CFAP299: variants seen among roughly 807,000 people sequenced by gnomAD.
The protein encoded by CFAP299 is cilia and flagella associated protein 299.
Under a neutral mutation model 27.0 loss-of-function variants are expected in CFAP299, and 21 were observed. That is an observed-to-expected ratio of 0.78 (90% CI 0.55 to 1.12). CFAP299 has a LOEUF of 1.12. Among genes scored for constraint, CFAP299 ranks in the 50% most tolerant of loss-of-function variants. CFAP299 has a pLI of 0.00. For synonymous variants in CFAP299, 104 were observed against 98.1 expected (o/e 1.06, Z -0.36); for missense variants, 310 against 276.6 (o/e 1.12, Z -0.86).
At chr4:80,711,680 G>A (rs1053480380) in intron 3 of CFAP299, among the ~76,000 whole-genome samples, 1 of 152,154 alleles carries the variant, frequency 6.6e-6, no homozygotes, top group African/African-American at 2.4e-5. Context: ...AACCAAGACT[G>A]ACATTCTTTC....
At chr4:80,420,065 C>T in intron 2 of CFAP299, 2 of 366,066 alleles carry the variant, frequency 5.5e-6, no homozygotes, top group South Asian at 4.1e-5. Context: ...CTGATCATAG[C>T]CAAGCAGGTT....
intron 4 of CFAP299, among the ~76,000 whole-genome samples, chr4:80,933,138 C>A (rs982695734): frequency 6.7e-6 from 1 of 148,358 alleles, no homozygotes. Context: ...CTTTCTTTTT[C>A]TTTCTTTCCT....
intron 2 of CFAP299, among the ~76,000 whole-genome samples, chr4:80,535,412 G>T (rs1322579766): frequency 1.4e-5 from 1 of 70,322 alleles, no homozygotes; most frequent in African/African-American, 1.3e-4. Flanking sequence ...GGAGAATGGC[G>T]TGAACCCGGG....
At chr4:80,402,308 T>C (rs185818524) in intron 2 of CFAP299, among the ~76,000 whole-genome samples, 1 of 152,236 alleles carries the variant, frequency 6.6e-6, no homozygotes, top group East Asian at 1.9e-4. Context: ...CCCACCCAAA[T>C]CTCAACTTGA....
At chr4:80,689,345 C>T (rs889735767) in intron 3 of CFAP299, among the ~76,000 whole-genome samples, 7 of 152,152 alleles carry the variant, frequency 4.6e-5, no homozygotes, top group African/African-American at 1.2e-4. Context: ...GCGGATCTCT[C>T]GGCAGAAACT....
chr4:80,584,184 G>T (rs962931900), intron 3 of CFAP299, among the ~76,000 whole-genome samples: 1 of 152,046 alleles, frequency 6.6e-6, no homozygotes. Flanking sequence ...GACAGCTTTA[G>T]TAATCACAGC....
In CFAP299 at chr4:80,852,080, A is replaced by G. The variant is rs140561765; in HGVS notation, c.334-17913A>G. On this transcript the variant is annotated intron_variant, in intron 3 of 5. Coordinates refer to ENST00000358105, the MANE Select transcript of CFAP299 (RefSeq NM_152770.3). Reference sequence around the variant, plus strand: ...TCAGACCTACCTATATAACTATTTAATTATTAAACATTTTTGTATTGTACC... The same window carrying G: ...TCAGACCTACCTATATAACTATTTAGTTATTAAACATTTTTGTATTGTACC... 4.5e-3 allele frequency among the ~76,000 whole-genome samples: 692 copies of G among 152,254 alleles called. 2 individuals carry two copies. The highest frequency in any genetic ancestry group is 0.014 in the Middle Eastern group (4 of 292).
chr4:80,828,005 T>C (rs1299988948), intron 3 of CFAP299, among the ~76,000 whole-genome samples: 1 of 151,958 alleles, frequency 6.6e-6, no homozygotes, highest in Non-Finnish European at 1.5e-5. Flanking sequence ...TAACAACCTA[T>C]ACAGTGAAAA....
chr4:80,933,164 TC>T (rs770636154), intron 4 of CFAP299, among the ~76,000 whole-genome samples: 5 of 150,184 alleles, frequency 3.3e-5, no homozygotes, highest in African/African-American at 9.7e-5. Context: ...TTCTTTCCTT[TC>T]CTTTCTTTCT....
chr4:80,481,078 G>A (rs1183838956), intron 2 of CFAP299, among the ~76,000 whole-genome samples: 1 of 151,978 alleles, frequency 6.6e-6, no homozygotes, highest in Non-Finnish European at 1.5e-5. Flanking sequence ...GGCAAGCATA[G>A]TCGTAGACAC....
In CFAP299 at chr4:80,870,039, C is replaced by G. The variant is rs1417465553; in HGVS notation, c.380C>G (p.Ser127Ter). The G allele has an allele frequency of 6.2e-7, 1 of 1,613,518 alleles. No individual in the cohort carries two copies. Among genetic ancestry groups the G allele is most frequent in the Non-Finnish European group, 8.5e-7 (1 of 1,179,610 alleles). Residue 127 changes from serine to a stop codon, truncating the protein, a stop_gained, in exon 4 of 6, where the codon TCA (serine) becomes TGA (stop). Transcript: ENST00000358105. LOFTEE classifies it high-confidence loss of function. ...AGAAATTCTCATGGGCAAGAGATATCAGGATACATCGACTATGCCCACAGG... is the reference window on the plus strand; with the variant it reads ...AGAAATTCTCATGGGCAAGAGATATGAGGATACATCGACTATGCCCACAGG... The part of the protein sequence containing the change: ...RDRNSHGQEI[S>*]GYIDYAHRLK...
chr4:80,869,619 T>C (rs1194579000), intron 3 of CFAP299, among the ~76,000 whole-genome samples: 1 of 152,162 alleles, frequency 6.6e-6, no homozygotes. Flanking sequence ...GTTCGAGCGA[T>C]TCCCCTGCCT....
intron 2 of CFAP299, among the ~76,000 whole-genome samples, chr4:80,483,633 G>A (rs975675492): frequency 6.6e-6 from 1 of 152,046 alleles, no homozygotes; most frequent in Non-Finnish European, 1.5e-5. Context: ...AAAATTTCAG[G>A]ACTTGATTGT....
chr4:80,795,483 CT>C (rs142175121), intron 3 of CFAP299, among the ~76,000 whole-genome samples: 1,621 of 152,268 alleles, frequency 0.011, 29 homozygotes, highest in African/African-American at 0.036. Flanking sequence ...GCAGAACCAT[CT>C]GTGAACCAGG....
the CFAP299 span, among the ~76,000 whole-genome samples, chr4:80,328,126 A>G: frequency 1.3e-5 from 2 of 152,158 alleles, no homozygotes; most frequent in African/African-American, 4.8e-5. Context: ...GGTTGGAGAA[A>G]GCTTAGAAGA....
chr4:80,878,831 A>G (rs575855915), intron 4 of CFAP299, among the ~76,000 whole-genome samples: 297 of 152,216 alleles, frequency 2.0e-3, no homozygotes, highest in African/African-American at 6.9e-3. Context: ...ACCAAAATTA[A>G]ATTGTTTATT....
chr4:80,386,517 G>GGGC lies in CFAP299; in HGVS notation c.242+23635_242+23636insCGG, dbSNP rs370260910. ...CCTCTTCTCGCGGGCGGTGGTGGGG[G>GGGC]GGGGGGGTGCCGCCGGGTTTGCAGG... On this transcript the variant is annotated intron_variant, in intron 2 of 5. Coordinates refer to ENST00000358105, the MANE Select transcript of CFAP299 (RefSeq NM_152770.3). 7.0e-4 allele frequency: 1,039 copies of GGGC among 1,489,394 alleles called. 1 individual carries two copies. The highest frequency in any genetic ancestry group is 1.4e-3 in the Admixed American group (65 of 48,082). 92.3% of individuals were successfully genotyped at this position (1,489,394 alleles called of 1,614,324 possible). A position where few individuals can be genotyped will look rare whatever the true frequency, so the allele number is the denominator to read the frequency against.
chr4:80,504,973 A>G (rs1328798067), intron 2 of CFAP299, among the ~76,000 whole-genome samples: 3 of 148,602 alleles, frequency 2.0e-5, no homozygotes, highest in African/African-American at 7.4e-5. Flanking sequence ...CCCCCATTTT[A>G]TATATATCAT....
chr4:80,925,224 ATCT>A (rs1417899020), intron 4 of CFAP299, among the ~76,000 whole-genome samples: 4 of 151,830 alleles, frequency 2.6e-5, no homozygotes, highest in South Asian at 2.1e-4. Flanking sequence ...TTCACTCTTA[ATCT>A]TCTTCTTCTG....
Sources: gnomAD v4.1 joint callset for allele counts (sites outside exome capture counted in the v4.1 genomes callset) on GRCh38, gnomAD v4.1.1 for gene constraint, MANE v1.5 for transcripts, NCBI Gene and HGNC (gene_info 2026-07-23, HGNC 2026-07-21) for gene names.